The following C2CD3 variants were observed in gnomAD, a reference collection of about 807,000 sequenced individuals.
C2CD3 encodes C2 domain containing 3 centriole elongation regulator, also known as C2 domain-containing protein 3.
In C2CD3, 148 loss-of-function variants were observed where a neutral mutation model predicts 234.0. That is an observed-to-expected ratio of 0.63 (90% confidence interval 0.55 to 0.72). The LOEUF (loss-of-function observed/expected upper bound fraction) is 0.72, where lower values mean the gene tolerates loss of function less well. C2CD3 is among the 30% of genes least tolerant of loss of function. C2CD3 has a pLI of 0.00. For missense variants in C2CD3, 2,577 were observed against 2,811.5 expected, an observed-to-expected ratio of 0.92 and a Z score of 1.89; for synonymous variants, 1,000 against 1,035.4, an observed-to-expected ratio of 0.97 and a Z score of 0.66.
intron 8 of C2CD3, among the ~76,000 whole-genome samples, chr11:74,122,688 A>T (rs1445566900): frequency 6.6e-6 from 1 of 152,230 alleles, no homozygotes; most frequent in African/African-American, 2.4e-5. Flanking sequence ...GCTCTTCCTT[A>T]TAAAAGCTCT....
At chr11:74,153,916 C>CAT (rs1191339514) in intron 3 of C2CD3, among the ~76,000 whole-genome samples, 5 of 151,378 alleles carry the variant, frequency 3.3e-5, no homozygotes, top group African/African-American at 4.9e-5. Flanking sequence ...AATAGACTCA[C>CAT]ATATATATAA....
At chr11:74,108,601 A>G (rs1430974091) in intron 12 of C2CD3, among the ~76,000 whole-genome samples, 1 of 152,200 alleles carries the variant, frequency 6.6e-6, no homozygotes, top group African/African-American at 2.4e-5. Context: ...AATAGCCTGT[A>G]TCAATATAGC....
intron 14 of C2CD3, among the ~76,000 whole-genome samples, chr11:74,102,082 A>G (rs1956335328): frequency 6.6e-6 from 1 of 152,208 alleles, no homozygotes; most frequent in African/African-American, 2.4e-5. Context: ...GTGGCAGTGC[A>G]GTGAAGGTAA....
intron 30 of C2CD3, among the ~76,000 whole-genome samples, chr11:74,034,809 G>A (rs1180345851): frequency 1.3e-5 from 2 of 152,210 alleles, no homozygotes; most frequent in African/African-American, 4.8e-5. Flanking sequence ...TCTTGGGTTC[G>A]AATCTCTGTT....
chr11:74,027,279 G>T (rs767376479), intron 32 of C2CD3, among the ~76,000 whole-genome samples: 3 of 152,058 alleles, frequency 2.0e-5, no homozygotes, highest in Non-Finnish European at 4.4e-5. Flanking sequence ...CCTAATTTTT[G>T]TAATTTTTAG....
chr11:74,031,015 G>C (rs1201777409), intron 31 of C2CD3, among the ~76,000 whole-genome samples: 15 of 152,010 alleles, frequency 9.9e-5, no homozygotes, highest in Non-Finnish European at 1.6e-4. Flanking sequence ...TGTTATTATT[G>C]CAAGTGTCCT....
intron 8 of C2CD3, 66 bp downstream of exon 8, chr11:74,122,922 T>A (rs1355891061): frequency 7.2e-6 from 5 of 697,092 alleles, no homozygotes; most frequent in Non-Finnish European, 8.1e-6. Context: ...CTGTCATGCC[T>A]GCAGCTACTA....
intron 21 of C2CD3, 155 bp downstream of exon 21, chr11:74,085,463 A>T: frequency 1.4e-6 from 1 of 706,210 alleles, no homozygotes; most frequent in Non-Finnish European, 2.3e-6. Context: ...TACTTAGTAC[A>T]TATCCTTATT....
At chr11:74,056,267 G>C (rs1257934644) in intron 25 of C2CD3, among the ~76,000 whole-genome samples, 1 of 152,188 alleles carries the variant, frequency 6.6e-6, no homozygotes, top group East Asian at 1.9e-4. Flanking sequence ...AGGTGATACA[G>C]TATAAATTCT....
chr11:74,111,493 A>G (rs1956741555), intron 11 of C2CD3, among the ~76,000 whole-genome samples: 1 of 152,214 alleles, frequency 6.6e-6, no homozygotes, highest in African/African-American at 2.4e-5. Flanking sequence ...ATGAAACATA[A>G]ATGAATTTCA....
rs1955217516 is a variant in C2CD3, at chr11:74,079,212, C to T, written c.4001-495G>A. On this transcript the variant is annotated intron_variant, in intron 22 of 32. Coordinates refer to ENST00000334126, the MANE Select transcript of C2CD3 (RefSeq NM_001286577.2). ...ATCAAGGGAATCGGCACTTAGAGAA[C>T]ACATACCAAGGACCAGGTGCTAGAT... Among the ~76,000 whole-genome samples, 4 of 152,320 alleles carry T rather than the reference C, an allele frequency of 2.6e-5. No homozygotes were observed. The South Asian group carries it at 8.3e-4, about 32-fold the overall frequency.
chr11:74,112,788 T>C (rs995380209), intron 11 of C2CD3, among the ~76,000 whole-genome samples: 2 of 152,122 alleles, frequency 1.3e-5, no homozygotes, highest in Non-Finnish European at 2.9e-5. Context: ...TAAAAAAGAA[T>C]GGAAAGTAAC....
chr11:74,093,033 A>G (rs1307058454), intron 18 of C2CD3, among the ~76,000 whole-genome samples: 6 of 152,176 alleles, frequency 3.9e-5, no homozygotes, highest in African/African-American at 1.2e-4. Context: ...CTTAGATTGC[A>G]AAGTTGTAAC....
intron 23 of C2CD3, 66 bp downstream of exon 23, chr11:74,078,049 C>T (rs1955153763): frequency 1.3e-6 from 2 of 1,529,344 alleles, no homozygotes; most frequent in East Asian, 4.5e-5. Flanking sequence ...GACAGAGTGT[C>T]TCACCTAGTG....
intron 29 of C2CD3, among the ~76,000 whole-genome samples, chr11:74,039,294 C>T (rs897268944): frequency 6.6e-6 from 1 of 152,228 alleles, no homozygotes; most frequent in Non-Finnish European, 1.5e-5. Flanking sequence ...TTAATACTTG[C>T]TCTGCAGGCC....
intron 3 of C2CD3, among the ~76,000 whole-genome samples, chr11:74,160,557 G>A (rs1387552192): frequency 1.3e-5 from 2 of 152,234 alleles, no homozygotes; most frequent in South Asian, 4.1e-4. Flanking sequence ...CATACAAGTA[G>A]AGCAGAATAG....
chr11:74,022,408 T>G (rs1023737261), intron 32 of C2CD3, among the ~76,000 whole-genome samples: 1 of 152,152 alleles, frequency 6.6e-6, no homozygotes, highest in Non-Finnish European at 1.5e-5. Flanking sequence ...GTGAATTGTT[T>G]GTGACACATC....
chr11:74,169,784 T>C (rs1406621793), intron 1 of C2CD3, among the ~76,000 whole-genome samples: 1 of 152,214 alleles, frequency 6.6e-6, no homozygotes, highest in Non-Finnish European at 1.5e-5. Context: ...GATCCTCCTA[T>C]CTTTCCTGGC....
intron 20 of C2CD3, among the ~76,000 whole-genome samples, chr11:74,086,954 C>G (rs1955667107): frequency 1.3e-5 from 2 of 152,120 alleles, no homozygotes; most frequent in African/African-American, 4.8e-5. Flanking sequence ...CTGGCTCCAC[C>G]ATTTACTTAC....
Sources: gnomAD v4.1 joint callset for allele counts (sites outside exome capture counted in the v4.1 genomes callset) on GRCh38, gnomAD v4.1.1 for gene constraint, MANE v1.5 for transcripts, NCBI Gene and HGNC (gene_info 2026-07-23, HGNC 2026-07-21) for gene names.